The following PHLPP1 variants were observed in gnomAD, a reference collection of about 807,000 sequenced individuals.
PHLPP1 encodes PH domain and leucine rich repeat protein phosphatase 1.
PHLPP1 carries 42 observed loss-of-function variants against 117.2 expected under a neutral mutation model. That is an observed-to-expected ratio of 0.36 (90% CI 0.28 to 0.46). PHLPP1 has a LOEUF of 0.46. Ranked by LOEUF, PHLPP1 falls within the 20% of genes least tolerant of loss-of-function variation. The probability of loss-of-function intolerance (pLI) is 1.00; values close to 1 mark genes in which losing one functional copy is unlikely to be tolerated. For synonymous variants in PHLPP1, 1,042 were observed against 970.7 expected (o/e 1.07, Z -1.37); for missense variants, 2,084 against 2,241.9 (o/e 0.93, Z 1.42).
chr18:62,854,456 A>G (rs1439890368), intron 3 of PHLPP1, among the ~76,000 whole-genome samples: 3 of 152,150 alleles, frequency 2.0e-5, no homozygotes, highest in African/African-American at 4.8e-5. Flanking sequence ...GGAAATCTGT[A>G]TTTGGTCAGC....
chr18:62,932,154 C>T (rs2456486), intron 10 of PHLPP1, among the ~76,000 whole-genome samples: 85,305 of 151,880 alleles, frequency 0.56, 24,234 homozygotes, highest in Non-Finnish European at 0.61. Flanking sequence ...AAGAAAGCCC[C>T]GGAGCAGGTG....
intron 4 of PHLPP1, among the ~76,000 whole-genome samples, chr18:62,882,946 TAAAAAA>T (rs35265223): frequency 2.5e-5 from 3 of 121,510 alleles, no homozygotes; most frequent in Non-Finnish European, 5.1e-5. Context: ...GACCACATCT[TAAAAAA>T]AAAAAAAAAA....
chr18:62,967,976 A>G (rs1910950949), intron 14 of PHLPP1, among the ~76,000 whole-genome samples: 2 of 152,006 alleles, frequency 1.3e-5, no homozygotes, highest in Admixed American at 1.3e-4. Context: ...GGCATGCGCC[A>G]CCATATCTGG....
intron 1 of PHLPP1, among the ~76,000 whole-genome samples, chr18:62,725,663 C>G (rs1320667156): frequency 6.6e-6 from 1 of 152,066 alleles, no homozygotes; most frequent in East Asian, 1.9e-4. Context: ...AAAGAAATAT[C>G]CTGCTCTCAT....
At chr18:62,931,824 G>T (rs1219870420) in intron 10 of PHLPP1, among the ~76,000 whole-genome samples, 1 of 149,866 alleles carries the variant, frequency 6.7e-6, no homozygotes, top group Non-Finnish European at 1.5e-5. Flanking sequence ...GAATCCGGGA[G>T]GCGGAGGTTA....
At chr18:62,847,184 A>G (rs1351492202) in intron 3 of PHLPP1, among the ~76,000 whole-genome samples, 5 of 152,156 alleles carry the variant, frequency 3.3e-5, no homozygotes, top group Non-Finnish European at 7.4e-5. Flanking sequence ...ATGTACTTCC[A>G]TCTTCCTTCC....
intron 1 of PHLPP1, among the ~76,000 whole-genome samples, chr18:62,756,474 C>A (rs1021366958): frequency 1.3e-5 from 2 of 152,122 alleles, no homozygotes; most frequent in Non-Finnish European, 2.9e-5. Flanking sequence ...CATTGAGAAT[C>A]CAGAAGTGGT....
chr18:62,748,477 G>A (rs914014779), intron 1 of PHLPP1, among the ~76,000 whole-genome samples: 7 of 152,044 alleles, frequency 4.6e-5, no homozygotes, highest in Admixed American at 3.9e-4. Flanking sequence ...GAACTCCTGG[G>A]CTCAAGCAGT....
intron 4 of PHLPP1, among the ~76,000 whole-genome samples, chr18:62,892,551 C>T (rs1916453775): frequency 6.6e-6 from 1 of 151,888 alleles, no homozygotes; most frequent in Non-Finnish European, 1.5e-5. Flanking sequence ...GAAAGTGGCA[C>T]AAAGCAAGTA....
At chr18:62,732,716 G>A (rs901790631) in intron 1 of PHLPP1, among the ~76,000 whole-genome samples, 14 of 152,312 alleles carry the variant, frequency 9.2e-5, no homozygotes, top group African/African-American at 2.9e-4. Flanking sequence ...TTTTGGCAAG[G>A]TTTCACCATT....
chr18:62,755,831 G>C (rs914206960), intron 1 of PHLPP1, among the ~76,000 whole-genome samples: 1 of 152,152 alleles, frequency 6.6e-6, no homozygotes, highest in African/African-American at 2.4e-5. Flanking sequence ...CTTGAACTGG[G>C]CAGTTTCTAT....
chr18:62,905,458 G>A (rs1055825660), intron 8 of PHLPP1, among the ~76,000 whole-genome samples, 174 bp downstream of exon 8: 3 of 152,106 alleles, frequency 2.0e-5, no homozygotes, highest in Non-Finnish European at 4.4e-5. Flanking sequence ...TACATTTGTA[G>A]TTCAAACCAG....
At chr18:62,728,156 G>A (rs911278425) in intron 1 of PHLPP1, among the ~76,000 whole-genome samples, 55 of 151,896 alleles carry the variant, frequency 3.6e-4, no homozygotes, top group African/African-American at 1.2e-3. Context: ...TTAGCTGGAC[G>A]TGGTGGTGCA....
chr18:62,772,004 T>C (rs1014497485), intron 1 of PHLPP1, among the ~76,000 whole-genome samples: 2 of 152,220 alleles, frequency 1.3e-5, no homozygotes, highest in Non-Finnish European at 2.9e-5. Context: ...TTCTTCTTTC[T>C]TCTGTCTTCT....
chr18:62,855,958 T>A (rs140697575), intron 3 of PHLPP1, among the ~76,000 whole-genome samples: 27 of 152,294 alleles, frequency 1.8e-4, no homozygotes, highest in Non-Finnish European at 3.4e-4. Context: ...GTTATATCAG[T>A]GAACAAAATA....
chr18:62,770,091 CTTTTTA>C (rs1259319438), intron 1 of PHLPP1, among the ~76,000 whole-genome samples: 1 of 152,036 alleles, frequency 6.6e-6, no homozygotes, highest in East Asian at 1.9e-4. Context: ...TCCTACTAGT[CTTTTTA>C]TTTTTATTTT....
chr18:62,839,741 TA>T (rs1915004451), intron 3 of PHLPP1: 1 of 144,896 alleles, frequency 6.9e-6, no homozygotes, highest in Non-Finnish European at 1.5e-5. Flanking sequence ...TATATATGTA[TA>T]TATATAATAT....
intron 1 of PHLPP1, among the ~76,000 whole-genome samples, chr18:62,754,758 A>G (rs933223713): frequency 1.3e-5 from 2 of 152,220 alleles, no homozygotes; most frequent in Non-Finnish European, 2.9e-5. Flanking sequence ...TTCCACATAT[A>G]AATTAAGAGA....
chr18:62,937,642 C>CT (rs1160723074), intron 10 of PHLPP1, among the ~76,000 whole-genome samples: 5 of 152,182 alleles, frequency 3.3e-5, no homozygotes, highest in African/African-American at 1.2e-4. Flanking sequence ...AATAATGTTA[C>CT]TTTCTCAGCT....
Sources: gnomAD v4.1 joint callset for allele counts (sites outside exome capture counted in the v4.1 genomes callset) on GRCh38, gnomAD v4.1.1 for gene constraint, MANE v1.5 for transcripts, NCBI Gene and HGNC (gene_info 2026-07-23, HGNC 2026-07-21) for gene names.